The following AHCYL2 variants were observed in gnomAD, a reference collection of about 807,000 sequenced individuals.
AHCYL2 encodes the protein S-adenosylhomocysteine hydrolase-like protein 2.
AHCYL2 carries 28 observed loss-of-function variants against 81.4 expected under a neutral mutation model. The ratio of observed to expected loss-of-function variants is 0.34; its 90% confidence interval spans 0.25 to 0.47. AHCYL2 has a LOEUF of 0.47. Ranked by LOEUF, AHCYL2 falls within the 20% of genes least tolerant of loss-of-function variation. The pLI, the probability that AHCYL2 is intolerant of heterozygous loss-of-function variation, is 1.00. For missense variants in AHCYL2, 551 were observed against 785.1 expected (o/e 0.70, Z 3.56); for synonymous variants, 272 against 290.2 (o/e 0.94, Z 0.64).
At position 129,426,265 on chromosome 7, in the gene AHCYL2, T is replaced by C. The variant is rs1432510608; in HGVS notation, c.1709-178T>C. 6.6e-6 allele frequency among the ~76,000 whole-genome samples: 1 copy of C among 152,230 alleles called. No homozygotes were observed. The highest frequency in any genetic ancestry group is 1.5e-5 in the Non-Finnish European group (1 of 68,032). On this transcript the variant is annotated intron_variant, in intron 15 of 16. Transcript: ENST00000325006. This position sits in a 1 kb window ranked among gnomAD's most constrained non-coding sequence, Gnocchi z 4.3. ...TTAAGGCTTTGGAAAGCACTGGGCT[T>C]GAAGCTGAAGGCAGCTATTCCTTAG... is the stretch of plus-strand genomic sequence containing the variant.
intron 13 of AHCYL2, 80 bp downstream of exon 13, chr7:129,423,018 G>T: frequency 8.4e-7 from 1 of 1,196,702 alleles, no homozygotes; most frequent in Admixed American, 2.0e-5. Context: ...TCATGTTCTC[G>T]AATACTTTCA....
Position 129,368,650 on chromosome 7 carries a change from C to T in AHCYL2, c.364-10988C>T. The T allele has an allele frequency of 7.0e-7, 1 of 1,428,618 alleles. No homozygotes were observed. Among genetic ancestry groups the T allele is most frequent in the Non-Finnish European group, 9.8e-7 (1 of 1,015,686 alleles). The allele number at this position is 1,428,618 out of a possible 1,614,324, so 88.5% of individuals were successfully genotyped here. On this transcript the variant is annotated intron_variant, in intron 1 of 16. Transcript: ENST00000325006. This position sits in a 1 kb window ranked among gnomAD's most constrained non-coding sequence, Gnocchi z 4.4. Reference sequence around the variant, plus strand: ...AGGATCACCTCTGAGAAGCTCCTACCAAGATCCGTGGTTGGAAAAACAGTT... The same window carrying T: ...AGGATCACCTCTGAGAAGCTCCTACTAAGATCCGTGGTTGGAAAAACAGTT...
chr7:129,363,423 A>G (rs532576066), intron 1 of AHCYL2, among the ~76,000 whole-genome samples: 35 of 152,336 alleles, frequency 2.3e-4, no homozygotes, highest in African/African-American at 7.9e-4. Flanking sequence ...GAATTGTTGC[A>G]GAAAGACGTA....
At chr7:129,233,720 C>T (rs1373449378) in intron 1 of AHCYL2, among the ~76,000 whole-genome samples, 4 of 152,108 alleles carry the variant, frequency 2.6e-5, no homozygotes, top group East Asian at 1.9e-4. Flanking sequence ...CTCCTGACCT[C>T]GTGATCCGCC....
chr7:129,284,798 TA>T (rs753296115), intron 1 of AHCYL2, among the ~76,000 whole-genome samples: 2 of 152,108 alleles, frequency 1.3e-5, no homozygotes, highest in Non-Finnish European at 2.9e-5. Flanking sequence ...ATGAAAAAAC[TA>T]AAAAATTTTT....
intron 1 of AHCYL2, among the ~76,000 whole-genome samples, chr7:129,321,948 G>C (rs1309381562): frequency 6.6e-6 from 1 of 151,600 alleles, no homozygotes; most frequent in African/African-American, 2.4e-5. Flanking sequence ...CCTAATTTTT[G>C]TATTTTTAGT....
intron 1 of AHCYL2, among the ~76,000 whole-genome samples, chr7:129,347,112 G>C (rs538725347): frequency 6.6e-6 from 1 of 152,302 alleles, no homozygotes; most frequent in South Asian, 2.1e-4. Flanking sequence ...GAAACGATCA[G>C]TGGTTGCCAG....
At chr7:129,282,843 A>G (rs985725778) in intron 1 of AHCYL2, among the ~76,000 whole-genome samples, 1 of 152,106 alleles carries the variant, frequency 6.6e-6, no homozygotes, top group Non-Finnish European at 1.5e-5. Flanking sequence ...ATTTGTTTCA[A>G]AAACATAGAG....
intron 1 of AHCYL2, among the ~76,000 whole-genome samples, chr7:129,265,556 T>G (rs1489049597): frequency 6.6e-6 from 1 of 152,078 alleles, no homozygotes; most frequent in Non-Finnish European, 1.5e-5. Context: ...TATCAGACAT[T>G]TTTCAGGAAT....
At chr7:129,260,597 C>T (rs562336605) in intron 1 of AHCYL2, among the ~76,000 whole-genome samples, 1 of 152,060 alleles carries the variant, frequency 6.6e-6, no homozygotes, top group Non-Finnish European at 1.5e-5. Flanking sequence ...TGTTGCTTGA[C>T]CTGTTTCATA....
rs758474402 is a variant in AHCYL2, at chr7:129,225,306, C to T, written c.230C>T (p.Ala77Val). ...CCCGCCGCCGCTCTCAGCCCCGCCG[C>T]CGGGAAGGTGCCTCAGGCGTCGGCC... ...SGPAAALSPA[A>V]GKVPQASAMK... is the part of the protein sequence containing the mutation. The change falls in exon 1 of 17, where the codon GCC becomes GTC. Residue 77 changes from alanine (A) to valine (V), a missense_variant. Transcript: ENST00000325006. 766 of 1,479,016 alleles carry T rather than the reference C, an allele frequency of 5.2e-4. 4 individuals carry two copies. The highest frequency in any genetic ancestry group is 4.4e-4 in the Non-Finnish European group (493 of 1,123,384). 91.6% of individuals were successfully genotyped at this position (1,479,016 alleles called of 1,614,324 possible).
At chr7:129,362,627 G>A (rs1333963427) in intron 1 of AHCYL2, among the ~76,000 whole-genome samples, 1 of 88,584 alleles carries the variant, frequency 1.1e-5, no homozygotes, top group East Asian at 3.1e-4. Flanking sequence ...TTTTTTTTAT[G>A]GTCTCAGAGA....
chr7:129,255,080 G>A (rs1193284069), intron 1 of AHCYL2, among the ~76,000 whole-genome samples: 1 of 151,898 alleles, frequency 6.6e-6, no homozygotes, highest in African/African-American at 2.4e-5. Flanking sequence ...TACCAACATG[G>A]TGAACCCCCG....
At chr7:129,252,070 C>T (rs868011471) in intron 1 of AHCYL2, among the ~76,000 whole-genome samples, 6 of 152,120 alleles carry the variant, frequency 3.9e-5, no homozygotes, top group African/African-American at 7.2e-5. Context: ...TTCTGATTAT[C>T]GAGCTGAGCC....
chr7:129,386,061 A>G (rs1457138315), intron 2 of AHCYL2, among the ~76,000 whole-genome samples: 1 of 152,214 alleles, frequency 6.6e-6, no homozygotes, highest in Non-Finnish European at 1.5e-5. Flanking sequence ...TTGCAGAACT[A>G]ATAATATATT....
intron 10 of AHCYL2, among the ~76,000 whole-genome samples, chr7:129,407,527 A>G (rs17552570): frequency 0.21 from 32,520 of 152,048 alleles, 4,131 homozygotes; most frequent in Non-Finnish European, 0.28. Flanking sequence ...GCAGAGTCCA[A>G]GTGTCTGTAG....
intron 1 of AHCYL2, among the ~76,000 whole-genome samples, chr7:129,277,425 G>C (rs563430814): frequency 5.3e-5 from 8 of 151,958 alleles, no homozygotes; most frequent in Non-Finnish European, 1.0e-4. Flanking sequence ...TTACAGGTGC[G>C]CACCACCACA....
At chr7:129,331,053 A>C (rs1385170585) in intron 1 of AHCYL2, among the ~76,000 whole-genome samples, 1 of 152,222 alleles carries the variant, frequency 6.6e-6, no homozygotes, top group Non-Finnish European at 1.5e-5. Flanking sequence ...CATAAAAATT[A>C]ACCTCCAAAT....
At chr7:129,387,979 G>C (rs909145108) in intron 2 of AHCYL2, 1 of 152,140 alleles carries the variant, frequency 6.6e-6, no homozygotes, top group Non-Finnish European at 1.5e-5. Flanking sequence ...TACAGCCCTC[G>C]CAGAGGTAGA....
Sources: gnomAD v4.1 joint callset for allele counts (sites outside exome capture counted in the v4.1 genomes callset) on GRCh38, gnomAD v4.1.1 for gene constraint, Gnocchi (gnomAD v3.1) non-coding constraint, MANE v1.5 for transcripts, NCBI Gene and HGNC (gene_info 2026-07-23, HGNC 2026-07-21) for gene names.